MLLT3: variants seen among roughly 807,000 people sequenced by gnomAD.
MLLT3 encodes protein AF-9.
A neutral mutation model predicts 53.2 loss-of-function variants in MLLT3; 4 were observed. The ratio of observed to expected loss-of-function variants is 0.08; its 90% CI spans 0.04 to 0.17. The LOEUF is 0.17. Among genes scored for constraint, MLLT3 ranks in the 10% least tolerant of loss-of-function variants. MLLT3 has a pLI of 1.00. For missense variants in MLLT3, 569 were observed against 684.0 expected (o/e 0.83, Z 1.87); for synonymous variants, 283 against 230.6 (o/e 1.23, Z -2.06).
chr9:20,603,518 C>A (rs1260989056), intron 2 of MLLT3, among the ~76,000 whole-genome samples: 1 of 151,966 alleles, frequency 6.6e-6, no homozygotes, highest in Non-Finnish European at 1.5e-5. Flanking sequence ...TTAAAAGTAA[C>A]CCTTAATCTA....
intron 4 of MLLT3, among the ~76,000 whole-genome samples, chr9:20,429,788 T>C (rs1406771617): frequency 1.3e-5 from 2 of 152,166 alleles, no homozygotes; most frequent in African/African-American, 4.8e-5. Flanking sequence ...GACTAGGAGA[T>C]AAATTCCTTA....
intron 2 of MLLT3, among the ~76,000 whole-genome samples, chr9:20,597,805 C>T (rs902076712): frequency 2.6e-5 from 4 of 152,156 alleles, no homozygotes; most frequent in African/African-American, 9.7e-5. Flanking sequence ...AGTAAGGTTC[C>T]TATAGAACTG....
chr9:20,364,425 G>A (rs1308802487), intron 6 of MLLT3, among the ~76,000 whole-genome samples: 1 of 152,184 alleles, frequency 6.6e-6, no homozygotes, highest in African/African-American at 2.4e-5. Flanking sequence ...GGCTAAATGT[G>A]ATGAAAAATA....
intron 2 of MLLT3, among the ~76,000 whole-genome samples, chr9:20,537,726 C>A (rs1010355340): frequency 1.3e-5 from 2 of 152,116 alleles, no homozygotes; most frequent in Non-Finnish European, 2.9e-5. Context: ...TTTAAAAGCA[C>A]TACCATTAAA....
In MLLT3 at chr9:20,477,172, G is replaced by A. The variant is rs575722502; in HGVS notation, c.194-20386C>T. Among the ~76,000 whole-genome samples, 5 of 152,076 alleles carry A rather than the reference G, an allele frequency of 3.3e-5. No individual in the cohort carries two copies. In the East Asian group the frequency reaches 7.7e-4, roughly 24 times the overall value. The stretch of plus-strand genomic sequence containing the variant: ...AGACCCTATTTGTTTTGGAACCATG[G>A]GTTCCTTTCTTATTAAATTCTTCTA... On this transcript the variant is annotated intron_variant, in intron 2 of 10. Transcript: ENST00000380338.
chr9:20,507,667 T>C (rs1825415215), intron 2 of MLLT3, among the ~76,000 whole-genome samples: 1 of 149,022 alleles, frequency 6.7e-6, no homozygotes, highest in South Asian at 2.1e-4. Context: ...CTTATTAACT[T>C]CCTCAAAGAT....
intron 2 of MLLT3, among the ~76,000 whole-genome samples, chr9:20,495,029 T>C (rs979801391): frequency 6.6e-6 from 1 of 152,180 alleles, no homozygotes; most frequent in Admixed American, 6.5e-5. Context: ...CATTTACAGC[T>C]AGCTGAATAG....
intron 2 of MLLT3, chr9:20,533,386 CA>C (rs1335740696): frequency 6.1e-6 from 1 of 163,166 alleles, no homozygotes; most frequent in Admixed American, 6.0e-5. Context: ...TAAAATAAAA[CA>C]AATTTTCCTT....
At chr9:20,451,990 TTGACCCTGACAGCTCAAATAAA>T (rs1282079534) in intron 3 of MLLT3, among the ~76,000 whole-genome samples, 4 of 152,164 alleles carry the variant, frequency 2.6e-5, no homozygotes, top group Admixed American at 2.0e-4. Flanking sequence ...ACCACCCCTC[TTGACCCTGACAGCTCAAATAAA>T]TGAGCAGAAC....
intron 2 of MLLT3, among the ~76,000 whole-genome samples, chr9:20,612,823 G>T (rs191843496): frequency 6.6e-6 from 1 of 152,186 alleles, no homozygotes; most frequent in South Asian, 2.1e-4. Flanking sequence ...AGGAAAAATG[G>T]TACTCATTTT....
intron 5 of MLLT3, among the ~76,000 whole-genome samples, chr9:20,378,989 G>C (rs964264289): frequency 5.9e-5 from 9 of 152,074 alleles, no homozygotes. Flanking sequence ...AAAGGAACCT[G>C]CATTTCCATG....
At position 20,448,264 on chromosome 9, in the gene MLLT3, T is replaced by A; in HGVS notation, c.279A>T (p.Glu93Asp). The change falls in exon 4 of 11, where the codon GAA becomes GAT. Residue 93 changes from glutamate to aspartate, a missense_variant and splice_region_variant. By Grantham distance (45) the Glu-to-Asp change is conservative. Around this residue, in one of 5 missense-constraint regions of MLLT3, gnomAD observed 35 missense variants for 136.8 expected, o/e 0.26. Transcript: ENST00000380338. This position sits in a 1 kb window ranked among gnomAD's most constrained non-coding sequence, Gnocchi z 4.0. ...AATCAAAGCGGACTTTCCTAGGTTC[T>A]TCCTGGAGGTTAACAAAAATTATGA... The part of the protein sequence containing the change: ...LPIEVYFKNK[E>D]EPRKVRFDYD... The A allele has an allele frequency of 6.2e-7, 1 of 1,608,598 alleles. No homozygotes were observed. Among genetic ancestry groups the A allele is most frequent in the East Asian group, 2.2e-5 (1 of 44,834 alleles).
intron 2 of MLLT3, among the ~76,000 whole-genome samples, chr9:20,522,284 CAAA>C (rs11314967): frequency 9.4e-5 from 12 of 127,736 alleles, no homozygotes; most frequent in East Asian, 2.2e-4. Context: ...TGAAAGTGAC[CAAA>C]AAAAAAAAAA....
chr9:20,622,122 C>G, intron 1 of MLLT3, 123 bp downstream of exon 1: 1 of 1,161,930 alleles, frequency 8.6e-7, no homozygotes, highest in African/African-American at 1.6e-5. Context: ...CAGCTCCCTG[C>G]AAGCCGTACC....
At chr9:20,452,633 A>C (rs2118853993) in intron 3 of MLLT3, among the ~76,000 whole-genome samples, 1 of 152,318 alleles carries the variant, frequency 6.6e-6, no homozygotes, top group Non-Finnish European at 1.5e-5. Flanking sequence ...AAAAGAAAGA[A>C]ATGAACACTC....
At chr9:20,573,999 A>G (rs1432883095) in intron 2 of MLLT3, among the ~76,000 whole-genome samples, 1 of 152,190 alleles carries the variant, frequency 6.6e-6, no homozygotes, top group Non-Finnish European at 1.5e-5. Flanking sequence ...GGTTACTCCT[A>G]TTAAGGAGAA....
At chr9:20,563,610 G>A (rs1819275877) in intron 2 of MLLT3, among the ~76,000 whole-genome samples, 1 of 151,960 alleles carries the variant, frequency 6.6e-6, no homozygotes, top group Non-Finnish European at 1.5e-5. Flanking sequence ...TTCCTGGATG[G>A]TGCTTTTAAT....
chr9:20,365,704 C>A lies in MLLT3; in HGVS notation c.1166G>T (p.Ser389Ile), dbSNP rs773658574. 1 of 1,614,102 alleles carries A rather than the reference C, an allele frequency of 6.2e-7. No homozygotes were observed. Among genetic ancestry groups the A allele is most frequent in the Non-Finnish European group, 8.5e-7 (1 of 1,180,014 alleles). The change falls in exon 6 of 11, where the codon AGC becomes ATC. Residue 389 changes from serine (S) to isoleucine (I), a missense_variant. Around this residue, in one of 5 missense-constraint regions of MLLT3, gnomAD observed 437 missense variants for 376.5 expected, o/e 1.16. Transcript: ENST00000380338. Reference sequence around the variant, plus strand: ...GGTCTGGGATGGTGTGAAGCTGGAGCTGGAGCTGGAGCTGGAGCTGGCAGG... The same window carrying A: ...GGTCTGGGATGGTGTGAAGCTGGAGATGGAGCTGGAGCTGGAGCTGGCAGG... ...PSPASSSSSS[S>I]SSFTPSQTRQ...
At chr9:20,612,157 A>G (rs773756297) in intron 2 of MLLT3, among the ~76,000 whole-genome samples, 13 of 152,160 alleles carry the variant, frequency 8.5e-5, no homozygotes, top group Non-Finnish European at 1.5e-4. Context: ...AACATTGACC[A>G]CCATTTATTA....
Sources: gnomAD v4.1 joint callset for allele counts (sites outside exome capture counted in the v4.1 genomes callset) on GRCh38, gnomAD v4.1.1 for gene constraint, gnomAD v4.1.1 regional missense constraint, Gnocchi (gnomAD v3.1) non-coding constraint, MANE v1.5 for transcripts, NCBI Gene and HGNC (gene_info 2026-07-23, HGNC 2026-07-21) for gene names.